The following PSD3 variants were observed in gnomAD, a reference collection of about 807,000 sequenced individuals.
The protein encoded by PSD3 is PH and SEC7 domain-containing protein 3.
PSD3 carries 49 observed loss-of-function variants against 105.5 expected under a neutral mutation model. The observed-to-expected ratio is 0.46, with a 90% CI of 0.37 to 0.59. The LOEUF (loss-of-function observed/expected upper bound fraction) is 0.59, where lower values mean the gene tolerates loss of function less well. PSD3 is among the 20% of genes least tolerant of loss of function. PSD3 has a pLI of 0.00. For missense variants in PSD3, 1,561 were observed against 1,263.8 expected (o/e 1.24, Z -3.57); for synonymous variants, 557 against 457.8 (o/e 1.22, Z -2.77).
intron 9 of PSD3, among the ~76,000 whole-genome samples, chr8:18,664,389 AG>A: frequency 1.3e-5 from 2 of 152,378 alleles, no homozygotes; most frequent in East Asian, 3.9e-4. Flanking sequence ...AGATCAAACT[AG>A]CCACAACATT....
upstream of PSD3, chr8:19,014,124 C>T (rs1443154457): frequency 6.6e-6 from 1 of 152,378 alleles, no homozygotes; most frequent in Non-Finnish European, 1.5e-5. This position sits in a 1 kb window ranked among gnomAD's most constrained non-coding sequence, Gnocchi z 4.9. Context: ...GAGGTGCTTT[C>T]CCTGGTGTTT....
At chr8:18,870,294 T>G (rs1817238327) in intron 3 of PSD3, among the ~76,000 whole-genome samples, 1 of 152,112 alleles carries the variant, frequency 6.6e-6, no homozygotes. Context: ...ATGGTACCAA[T>G]TAGAAGTACA....
intron 1 of PSD3, among the ~76,000 whole-genome samples, chr8:19,004,817 C>T (rs919222174): frequency 2.0e-5 from 3 of 152,000 alleles, no homozygotes; most frequent in African/African-American, 4.8e-5. Context: ...TAATAAGTCT[C>T]AAGAGATCTG....
chr8:18,938,885 G>A (rs938227624), intron 1 of PSD3, among the ~76,000 whole-genome samples: 16 of 152,146 alleles, frequency 1.1e-4, no homozygotes, highest in African/African-American at 2.7e-4. Context: ...TCTAGAACTC[G>A]TGGCATTGCG....
intron 8 of PSD3, among the ~76,000 whole-genome samples, chr8:18,766,552 C>T (rs1332039852): frequency 1.3e-5 from 2 of 152,110 alleles, no homozygotes; most frequent in Non-Finnish European, 2.9e-5. Flanking sequence ...TAAAAACGGA[C>T]ATTTCTGAGC....
chr8:18,824,271 T>TCTC (rs1470786478), intron 4 of PSD3, among the ~76,000 whole-genome samples: 1 of 152,224 alleles, frequency 6.6e-6, no homozygotes, highest in Non-Finnish European at 1.5e-5. Context: ...ACCACATGTA[T>TCTC]CTGTCTTCAG....
At chr8:18,970,970 C>A (rs1824613693) in intron 1 of PSD3, among the ~76,000 whole-genome samples, 1 of 149,110 alleles carries the variant, frequency 6.7e-6, no homozygotes, top group South Asian at 2.1e-4. Flanking sequence ...AAGAGCGAGA[C>A]TCTGTCTCAA....
intron 10 of PSD3, among the ~76,000 whole-genome samples, chr8:18,642,848 A>T (rs561273002): frequency 3.8e-4 from 58 of 152,260 alleles, no homozygotes; most frequent in Admixed American, 2.2e-3. Context: ...GTCATTTTTT[A>T]AAAAAATTTG....
At chr8:18,949,877 A>G (rs1473598416) in intron 1 of PSD3, among the ~76,000 whole-genome samples, 4 of 152,194 alleles carry the variant, frequency 2.6e-5, no homozygotes, top group African/African-American at 9.7e-5. Flanking sequence ...TTTTTTCATC[A>G]TATTTTAAAT....
At chr8:18,709,899 A>T (rs1198124853) in intron 9 of PSD3, among the ~76,000 whole-genome samples, 1 of 152,238 alleles carries the variant, frequency 6.6e-6, no homozygotes, top group Non-Finnish European at 1.5e-5. Flanking sequence ...ATCAAAGAAA[A>T]AACACTGAAA....
At chr8:18,683,954 G>C (rs768716606) in intron 9 of PSD3, 2 of 753,554 alleles carry the variant, frequency 2.7e-6, no homozygotes, top group Non-Finnish European at 4.9e-6. Flanking sequence ...AACTAAGGAA[G>C]GGGTTTAGAG....
At chr8:18,803,151 G>C in intron 6 of PSD3, 1 of 231,944 alleles carries the variant, frequency 4.3e-6, no homozygotes, top group Non-Finnish European at 9.0e-6. Context: ...GCCAGGTGTG[G>C]TGGTGCGTAC....
At chr8:18,896,143 G>A (rs372060519) in intron 2 of PSD3, among the ~76,000 whole-genome samples, 1 of 152,208 alleles carries the variant, frequency 6.6e-6, no homozygotes, top group Non-Finnish European at 1.5e-5. Context: ...ATGAATAACA[G>A]AATTTCATTC....
chr8:18,654,166 G>A (rs1808720648), intron 10 of PSD3, among the ~76,000 whole-genome samples: 1 of 152,054 alleles, frequency 6.6e-6, no homozygotes, highest in Non-Finnish European at 1.5e-5. Flanking sequence ...AAATATTAAA[G>A]TCTTAACTTT....
intron 1 of PSD3, among the ~76,000 whole-genome samples, chr8:19,071,169 C>T (rs993202370): frequency 1.3e-5 from 2 of 152,030 alleles, no homozygotes; most frequent in Non-Finnish European, 2.9e-5. Context: ...AAGTGATTCT[C>T]GTGCCTCAGC....
At chr8:18,719,574 CAA>C (rs1563197397) in intron 9 of PSD3, among the ~76,000 whole-genome samples, 1 of 152,080 alleles carries the variant, frequency 6.6e-6, no homozygotes, top group Non-Finnish European at 1.5e-5. Flanking sequence ...TCATTTACTC[CAA>C]ATACTCATTT....
At chr8:19,064,387 CT>C (rs1829004202) in intron 1 of PSD3, among the ~76,000 whole-genome samples, 1 of 151,846 alleles carries the variant, frequency 6.6e-6, no homozygotes, top group African/African-American at 2.4e-5. Flanking sequence ...CTATTTTTAA[CT>C]GTTATTTACA....
intron 11 of PSD3, among the ~76,000 whole-genome samples, chr8:18,603,334 G>A (rs551102632): frequency 1.3e-5 from 2 of 151,946 alleles, no homozygotes; most frequent in East Asian, 1.9e-4. Flanking sequence ...TCTATAACAT[G>A]CTACTGTCAG....
chr8:18,809,392 C>A (rs1005563896), intron 4 of PSD3, among the ~76,000 whole-genome samples: 22 of 152,124 alleles, frequency 1.4e-4, no homozygotes, highest in Non-Finnish European at 2.9e-5. Flanking sequence ...CATCAAAACA[C>A]TGCATCATCA....
Sources: allele counts gnomAD v4.1 joint callset (sites outside exome capture counted in the v4.1 genomes callset), GRCh38; gene constraint gnomAD v4.1.1; non-coding constraint Gnocchi (gnomAD v3.1); transcripts MANE v1.5; gene names NCBI Gene and HGNC (gene_info 2026-07-23, HGNC 2026-07-21).